The following MSN variants were observed in gnomAD, a reference collection of about 807,000 sequenced individuals.
The protein encoded by MSN is epididymis luminal protein 70.
Under a neutral mutation model 48.0 loss-of-function variants are expected in MSN, and 2 were observed. That is an observed-to-expected ratio of 0.04 (90% confidence interval 0.02 to 0.13). The LOEUF is 0.13. Among genes scored for constraint, MSN ranks in the 10% least tolerant of loss-of-function variants. The probability of loss-of-function intolerance (pLI) is 1.00; values close to 1 mark genes in which losing one functional copy is unlikely to be tolerated. For synonymous variants in MSN, 146 were observed against 166.9 expected, an observed-to-expected ratio of 0.87 and a Z score of 0.97; for missense variants, 267 against 470.1, an observed-to-expected ratio of 0.57 and a Z score of 3.99.
chrX:65,602,306 G>T (rs2070242522), intron 1 of MSN, among the ~76,000 whole-genome samples: 1 of 111,298 alleles, frequency 9.0e-6, no homozygotes, highest in South Asian at 3.8e-4. Context: ...GTAACAGTAG[G>T]ATGTCCTCCA....
intron 1 of MSN, among the ~76,000 whole-genome samples, chrX:65,637,490 TC>T (rs1464489578): frequency 9.1e-6 from 1 of 110,477 alleles, no homozygotes; most frequent in Non-Finnish European, 1.9e-5. Context: ...AGATAGACCT[TC>T]CCACCTCTCT....
intron 1 of MSN, among the ~76,000 whole-genome samples, chrX:65,631,941 T>C (rs1241530103): frequency 1.8e-5 from 2 of 111,841 alleles, no homozygotes; most frequent in African/African-American, 6.5e-5. Context: ...CATCCTAAAA[T>C]GTTGGGATTA....
Position 65,617,805 on chromosome X carries a change from T to A in MSN, c.-22+29193T>A, listed in dbSNP as rs372037207. Among the ~76,000 whole-genome samples the A allele has an allele frequency of 5.5e-5, 6 of 108,641 alleles. No homozygotes were observed. The East Asian group carries it at 1.7e-3, about 31-fold the overall frequency. 94.3% of individuals were successfully genotyped at this position (108,641 alleles called of 115,157 possible). Reference sequence around the variant, plus strand: ...TTCTTTTAATTGTGATGTTAGGGTGTCAATTTTGGATCTTTCCTGCTTTCT... The same window carrying A: ...TTCTTTTAATTGTGATGTTAGGGTGACAATTTTGGATCTTTCCTGCTTTCT... On this transcript the variant is annotated intron_variant, in intron 1 of 3. Coordinates refer to the MSN transcript ENST00000609672.
chrX:65,615,862 C>T (rs1240967954), intron 1 of MSN, among the ~76,000 whole-genome samples: 7 of 110,981 alleles, frequency 6.3e-5, no homozygotes, highest in Non-Finnish European at 1.3e-4. Context: ...GTCTTTAATC[C>T]ATCTTGAATT....
chrX:65,591,679 T>C (rs2070148243), intron 1 of MSN, among the ~76,000 whole-genome samples: 1 of 112,131 alleles, frequency 8.9e-6, no homozygotes, highest in Non-Finnish European at 1.9e-5. Flanking sequence ...GGGAACACCC[T>C]GAAGGAAGGG....
intron 1 of MSN, among the ~76,000 whole-genome samples, chrX:65,608,565 G>A (rs2070295847): frequency 9.0e-6 from 1 of 110,930 alleles, no homozygotes; most frequent in Non-Finnish European, 1.9e-5. Context: ...ACAGGATATA[G>A]GCAGGCAGTG....
At chrX:65,685,785 C>T (rs1181423450) in intron 1 of MSN, among the ~76,000 whole-genome samples, 1 of 111,787 alleles carries the variant, frequency 8.9e-6, no homozygotes, top group East Asian at 2.8e-4. Flanking sequence ...AGGTTTTTGC[C>T]GTGTTGGCCA....
intron 1 of MSN, among the ~76,000 whole-genome samples, chrX:65,617,430 C>A (rs1429574352): frequency 3.0e-4 from 31 of 104,892 alleles, no homozygotes; most frequent in Non-Finnish European, 5.3e-4. Flanking sequence ...CTGGTTTAGT[C>A]TTGGGAGAGT....
At chrX:65,657,295 C>G (rs1377213186) in intron 1 of MSN, among the ~76,000 whole-genome samples, 1 of 111,276 alleles carries the variant, frequency 9.0e-6, no homozygotes, top group East Asian at 2.8e-4. Context: ...AGGGTGAGCA[C>G]CCCTCACAGA....
chrX:65,721,894 GC>G (rs1298529856), intron 2 of MSN, among the ~76,000 whole-genome samples: 1 of 111,170 alleles, frequency 9.0e-6, no homozygotes, highest in East Asian at 2.8e-4. Context: ...ACCAGCCTGG[GC>G]AACATAGCGA....
rs761963863 is a variant in MSN, at chrX:65,609,684, C to A, written c.-22+21072C>A. Among the ~76,000 whole-genome samples the A allele has an allele frequency of 1.8e-4, 20 of 111,580 alleles. No individual in the cohort carries two copies. In the East Asian group the frequency reaches 4.5e-3, roughly 25 times the overall value. On this transcript the variant is annotated intron_variant, in intron 1 of 3. Transcript: ENST00000609672. ...GGATAATGAGGTCAGGAGATCAAGA[C>A]CATCCTGGCTAACACGGTGAAACCC...
intron 1 of MSN, among the ~76,000 whole-genome samples, chrX:65,600,992 T>C (rs1423052156): frequency 1.8e-5 from 2 of 112,228 alleles, no homozygotes; most frequent in Admixed American, 1.9e-4. Context: ...AAGTATTTAT[T>C]GCCTTGAAAT....
chrX:65,679,483 G>A (rs2071033412), intron 1 of MSN, among the ~76,000 whole-genome samples: 1 of 111,680 alleles, frequency 9.0e-6, no homozygotes, highest in African/African-American at 3.3e-5. Flanking sequence ...TTTCTAGTCA[G>A]GAAGATTGCC....
upstream of MSN, among the ~76,000 whole-genome samples, chrX:65,665,548 G>A (rs770911726): frequency 8.0e-5 from 9 of 112,069 alleles, no homozygotes; most frequent in Non-Finnish European, 1.5e-4. Flanking sequence ...ACACTGAATC[G>A]TGGACACTGT....
At chrX:65,604,728 T>C (rs972164428) in intron 1 of MSN, among the ~76,000 whole-genome samples, 5 of 112,042 alleles carry the variant, frequency 4.5e-5, no homozygotes, top group African/African-American at 1.6e-4. Flanking sequence ...TTCCATCTCC[T>C]TCACCTGTCA....
chrX:65,628,294 C>T (rs1435645010), intron 1 of MSN, among the ~76,000 whole-genome samples: 1 of 113,089 alleles, frequency 8.8e-6, no homozygotes, highest in Non-Finnish European at 1.9e-5. Context: ...TTTGCTTGGG[C>T]ATCCAGGTCC....
At chrX:65,609,808 G>A (rs907673822) in intron 1 of MSN, among the ~76,000 whole-genome samples, 1 of 110,589 alleles carries the variant, frequency 9.0e-6, no homozygotes, top group African/African-American at 3.3e-5. Flanking sequence ...ACTCGAACCC[G>A]GGAGGCAGAG....
rs1178553764 is a variant in MSN at position 65,624,684 on chromosome X, A to T, written c.-22+36072A>T. ...ATTTCCAGTCCCAGCTACTCAGGAGACTGAGGCACAAGAATTGCTTGAACC... is the reference window on the plus strand; with the variant it reads ...ATTTCCAGTCCCAGCTACTCAGGAGTCTGAGGCACAAGAATTGCTTGAACC... On this transcript the variant is annotated intron_variant, in intron 1 of 3. Coordinates refer to the MSN transcript ENST00000609672. The T allele has an allele frequency of 3.8e-5, 4 of 105,943 alleles. No homozygotes were observed. In the Admixed American group the frequency reaches 4.2e-4, roughly 11 times the overall value. 8.7% of individuals were successfully genotyped at this position (105,943 alleles called of 1,213,427 possible). A position where few individuals can be genotyped will look rare whatever the true frequency, so the allele number is the denominator to read the frequency against.
chrX:65,680,828 A>C (rs1335158868), intron 1 of MSN, among the ~76,000 whole-genome samples: 1 of 111,303 alleles, frequency 9.0e-6, no homozygotes, highest in Non-Finnish European at 1.9e-5. Flanking sequence ...GGCTCACTGC[A>C]ACCTCCACCT....
Sources: gnomAD v4.1 joint callset for allele counts (sites outside exome capture counted in the v4.1 genomes callset) on GRCh38, gnomAD v4.1.1 for gene constraint, MANE v1.5 for transcripts, NCBI Gene and HGNC (gene_info 2026-07-23, HGNC 2026-07-21) for gene names.